KDR: variants seen among roughly 807,000 people sequenced by gnomAD.
KDR encodes the protein kinase insert domain receptor.
Under a neutral mutation model 160.9 loss-of-function variants are expected in KDR, and 43 were observed. The ratio of observed to expected loss-of-function variants is 0.27; its 90% CI spans 0.21 to 0.34. The LOEUF (loss-of-function observed/expected upper bound fraction) is 0.34. KDR is among the 10% of genes least tolerant of loss of function. The pLI is 1.00. For missense variants in KDR, 1,469 were observed against 1,666.4 expected (o/e 0.88, Z 2.06); for synonymous variants, 617 against 600.1 (o/e 1.03, Z -0.41).
rs553704796 is a variant in KDR at position 55,102,313 on chromosome 4, T to C, written c.2134+49A>G. ...AAATAATATGGCTTTTTAGATAACATCCCTGGGAAAGTTCTGCAACCCAAG... is the reference window on the plus strand; with the variant it reads ...AAATAATATGGCTTTTTAGATAACACCCCTGGGAAAGTTCTGCAACCCAAG... On this transcript the variant is annotated intron_variant, in intron 14 of 29. Coordinates refer to ENST00000263923, the MANE Select transcript of KDR (RefSeq NM_002253.4). 12 of 1,585,158 alleles carry C rather than the reference T, an allele frequency of 7.6e-6. No individual in the cohort carries two copies. In the South Asian group the frequency reaches 1.3e-4, roughly 18 times the overall value.
chr4:55,089,704 T>C lies in KDR; in HGVS notation c.3291A>G (p.Glu1097=). Residue 1097 remains glutamate, a synonymous_variant, in exon 24 of 30, where the codon GAA becomes GAG. Transcript: ENST00000263923. ...DVWSFGVLLW[E]IFSLGASPYP... Reference sequence around the variant, plus strand: ...GAAATGACTTACCTAAGGAAAATATTTCCCACAGCAAAACACCAAAAGACC... The same window carrying C: ...GAAATGACTTACCTAAGGAAAATATCTCCCACAGCAAAACACCAAAAGACC... 1 of 1,613,682 alleles carries C rather than the reference T, an allele frequency of 6.2e-7. No homozygotes were observed. Among genetic ancestry groups the C allele is most frequent in the African/African-American group, 1.3e-5 (1 of 74,998 alleles).
chr4:55,123,951 G>A (rs1176380310), intron 1 of KDR, among the ~76,000 whole-genome samples: 1 of 152,186 alleles, frequency 6.6e-6, no homozygotes, highest in Non-Finnish European at 1.5e-5. Context: ...AAACACCCCA[G>A]GCTTAAAAGC....
chr4:55,105,005 T>C, intron 12 of KDR, 21 bp from the exon 13 acceptor site: 1 of 1,592,162 alleles, frequency 6.3e-7, no homozygotes, highest in Non-Finnish European at 8.6e-7. Flanking sequence ...GAGGCCATAG[T>C]TATTGAATGG....
In KDR at chr4:55,110,720, G is replaced by A. The variant is rs779163827; in HGVS notation, c.1025C>T (p.Ala342Val). 45 of 1,613,290 alleles carry A rather than the reference G, an allele frequency of 2.8e-5. No homozygotes were observed. Among genetic ancestry groups the A allele is most frequent in the African/African-American group, 1.1e-4 (8 of 74,606 alleles). ...GATTCTGACACGCTCCCCCACCGTG[G>A]CTTCCACCAGAGATTCCATGCCACT... ...FGSGMESLVEATVGERVRIPA... is the reference protein window; with the variant it reads ...FGSGMESLVEVTVGERVRIPA... Residue 342 changes from alanine to valine, a missense_variant, in exon 8 of 30, where the codon GCC becomes GTC. By Grantham distance (64) the Ala-to-Val change is moderately conservative. Transcript: ENST00000263923.
At chr4:55,113,939 G>T (rs1199325429) in intron 6 of KDR, among the ~76,000 whole-genome samples, 187 bp downstream of exon 6, 1 of 152,144 alleles carries the variant, frequency 6.6e-6, no homozygotes, top group Non-Finnish European at 1.5e-5. Context: ...CTTTTGGTGG[G>T]TGCTATCTGT....
chr4:55,092,090 T>C (rs1560514828), intron 22 of KDR, among the ~76,000 whole-genome samples: 1 of 152,214 alleles, frequency 6.6e-6, no homozygotes, highest in African/African-American at 2.4e-5. Flanking sequence ...GCCCCTCCCC[T>C]TTCCAGGTCA....
Position 55,094,960 on chromosome 4 carries a change from A to G in KDR, c.2818-5T>C, listed in dbSNP as rs1338761514. 3.1e-6 allele frequency: 5 copies of G among 1,613,430 alleles called. No individual in the cohort carries two copies. Among genetic ancestry groups the G allele is most frequent in the East Asian group, 4.5e-5 (2 of 44,856 alleles). On this transcript the variant is annotated splice_region_variant and splice_polypyrimidine_tract_variant and intron_variant, in intron 20 of 29. Transcript: ENST00000263923. ...ACGGAATCGTGCCCCTTTGGTCTAT[A>G]AAAAAGCAAAGGAACAAACAAACTC...
At chr4:55,106,091 G>A (rs1036841234) in intron 11 of KDR, 151 bp from the exon 12 acceptor site, 10 of 726,026 alleles carry the variant, frequency 1.4e-5, no homozygotes, top group Non-Finnish European at 2.5e-5. Flanking sequence ...TGCAATTGCA[G>A]GTTGAGTATC....
intron 19 of KDR, 39 bp from the exon 20 acceptor site, chr4:55,095,704 C>G (rs751978368): frequency 1.4e-6 from 2 of 1,412,810 alleles, no homozygotes; most frequent in East Asian, 4.6e-5. Flanking sequence ...TGGGTTTTCA[C>G]TCATATTCCT....
chr4:55,096,416 G>T, intron 18 of KDR, 74 bp from the exon 19 acceptor site: 2 of 1,007,006 alleles, frequency 2.0e-6, no homozygotes, highest in Non-Finnish European at 3.1e-6. Context: ...CTCCCTCCCT[G>T]CATGCCACTA....
chr4:55,115,466 G>T, intron 3 of KDR, 55 bp from the exon 4 acceptor site: 1 of 1,023,988 alleles, frequency 9.8e-7, no homozygotes. Flanking sequence ...AGAAAAGTTG[G>T]TCATTTTTCA....
At chr4:55,091,957 T>A (rs371923720) in intron 22 of KDR, among the ~76,000 whole-genome samples, 2 of 152,336 alleles carry the variant, frequency 1.3e-5, no homozygotes, top group South Asian at 4.1e-4. Context: ...TTTTAATCGC[T>A]CTCATCTGAA....
intron 7 of KDR, among the ~76,000 whole-genome samples, chr4:55,111,509 C>T (rs114637302): frequency 0.026 from 3,950 of 152,232 alleles, 173 homozygotes; most frequent in African/African-American, 0.09. Flanking sequence ...AGCAGATCAC[C>T]TCTCACTACC....
At chr4:55,122,126 C>T (rs1407787571) in intron 1 of KDR, among the ~76,000 whole-genome samples, 2 of 152,134 alleles carry the variant, frequency 1.3e-5, no homozygotes, top group Non-Finnish European at 2.9e-5. Flanking sequence ...TGACATCAAG[C>T]TTCAGACATA....
At chr4:55,095,789 T>C (rs1720137383) in intron 19 of KDR, 124 bp from the exon 20 acceptor site, 2 of 730,516 alleles carry the variant, frequency 2.7e-6, no homozygotes, top group Non-Finnish European at 5.0e-6. Flanking sequence ...GGGACAGGAG[T>C]GTAGAAATCA....
chr4:55,114,005 G>A (rs1720664998), intron 6 of KDR, 121 bp downstream of exon 6: 1 of 940,408 alleles, frequency 1.1e-6, no homozygotes, highest in Non-Finnish European at 1.7e-6. Context: ...GGGTGTGTAT[G>A]TGTGTGTGTT....
rs1464705492 is a variant in KDR, at chr4:55,105,946, CG to C, written c.1537-7del. 1.3e-6 allele frequency: 2 copies of C among 1,592,790 alleles called. No homozygotes were observed. The highest frequency in any genetic ancestry group is 1.7e-6 in the Non-Finnish European group (2 of 1,160,890). The stretch of plus-strand genomic sequence containing the variant: ...ATAACAAGGGTACTTACAGTCTGTG[CG>C]GGGAAAAAACAAATCCCAGGCCATA... On this transcript the variant is annotated splice_polypyrimidine_tract_variant and splice_region_variant and intron_variant, in intron 11 of 29. Coordinates refer to ENST00000263923, the MANE Select transcript of KDR (RefSeq NM_002253.4).
At chr4:55,120,852 G>A (rs1018171175) in intron 2 of KDR, among the ~76,000 whole-genome samples, 7 of 268 alleles carry the variant, frequency 0.026, no homozygotes, top group African/African-American at 0.03. Context: ...ATTTGTGTGC[G>A]TGTGTGTGTG....
chr4:55,121,288 C>T (rs1171870073), intron 1 of KDR, 98 bp from the exon 2 acceptor site: 9 of 817,644 alleles, frequency 1.1e-5, no homozygotes, highest in Non-Finnish European at 1.9e-5. Flanking sequence ...TTTAAAAGGC[C>T]TCTTCAGCAA....
Sources: gnomAD v4.1 joint callset for allele counts (sites outside exome capture counted in the v4.1 genomes callset) on GRCh38, gnomAD v4.1.1 for gene constraint, MANE v1.5 for transcripts, NCBI Gene and HGNC (gene_info 2026-07-23, HGNC 2026-07-21) for gene names.